Variants in DMD observed in about 807,000 individuals in gnomAD.
DMD encodes the protein mutant dystrophin.
DMD carries 63 observed loss-of-function variants against 330.1 expected under a neutral mutation model. The observed-to-expected ratio is 0.19, with a 90% CI of 0.16 to 0.24. DMD has a LOEUF of 0.24. Among genes scored for constraint, DMD ranks in the 10% least tolerant of loss-of-function variants. The pLI, the probability that DMD is intolerant of heterozygous loss-of-function variation, is 1.00. For missense variants in DMD, 3,344 were observed against 2,684.1 expected, an observed-to-expected ratio of 1.25 and a Z score of -5.43; for synonymous variants, 1,223 against 959.8, an observed-to-expected ratio of 1.27 and a Z score of -5.07.
At chrX:31,961,626 T>C (rs769519933) in intron 45 of DMD, among the ~76,000 whole-genome samples, 1 of 110,964 alleles carries the variant, frequency 9.0e-6, no homozygotes, top group Non-Finnish European at 1.9e-5. Flanking sequence ...TGCTTATGTT[T>C]GAGAAGAGCA....
At position 32,697,994 on chromosome X, in the gene DMD, G is replaced by C. The variant is rs369135184; in HGVS notation, c.836C>G (p.Thr279Arg). The change falls in exon 9 of 79, where the codon ACG becomes AGG. Residue 279 changes from threonine (T) to arginine (R), a missense_variant. By Grantham distance (71) the Thr-to-Arg change is moderately conservative (BLOSUM62 -1). Transcript: ENST00000357033. ...HHQMHYSQQI[T>R]VSLAQGYERT... ...CTCATATCCCTGTGCTAGACTGACCGTGATCTGCAGAGAAGGGTTTGGGGG... is the reference window on the plus strand; with the variant it reads ...CTCATATCCCTGTGCTAGACTGACCCTGATCTGCAGAGAAGGGTTTGGGGG... 1 of 1,189,022 alleles carries C rather than the reference G, an allele frequency of 8.4e-7. No homozygotes were observed.
At chrX:32,203,309 T>A (rs1159505035) in intron 44 of DMD, among the ~76,000 whole-genome samples, 1 of 112,820 alleles carries the variant, frequency 8.9e-6, no homozygotes. Context: ...TATGATTGAT[T>A]CCTTATTCCC....
intron 9 of DMD, among the ~76,000 whole-genome samples, chrX:32,671,286 C>A (rs1335723151): frequency 9.0e-6 from 1 of 110,747 alleles, no homozygotes; most frequent in Non-Finnish European, 1.9e-5. Flanking sequence ...TCTCAATTAC[C>A]AGACATCAAA....
At chrX:31,583,722 C>T (rs2076446216) in intron 55 of DMD, among the ~76,000 whole-genome samples, 1 of 107,992 alleles carries the variant, frequency 9.3e-6, no homozygotes, top group Non-Finnish European at 1.9e-5. Flanking sequence ...TGGTGGTTTG[C>T]TGCACCTATT....
At chrX:32,419,849 T>G (rs1603633086) in intron 29 of DMD, among the ~76,000 whole-genome samples, 2 of 106,381 alleles carry the variant, frequency 1.9e-5, no homozygotes, top group Admixed American at 2.0e-4. Flanking sequence ...GAACTTGACA[T>G]CAGATAGCCA....
chrX:31,299,167 T>C (rs145715934), intron 62 of DMD, among the ~76,000 whole-genome samples: 2,015 of 111,854 alleles, frequency 0.018, 46 homozygotes, highest in African/African-American at 0.062. Context: ...TGTTCCACTT[T>C]AATTAGAATA....
intron 1 of DMD, among the ~76,000 whole-genome samples, chrX:33,259,456 A>T (rs2052914428): frequency 9.1e-6 from 1 of 110,372 alleles, no homozygotes; most frequent in Admixed American, 9.8e-5. Context: ...CTAAAAATCT[A>T]AAATTCAAAT....
rs146866596 is a variant in DMD at position 32,319,430 on chromosome X, G to T, written c.5923-9154C>A. ...AAAAATATTTGTTGGATAAATTAATGAAAAAACAAGTATCAACTTAACAGG... is the reference window on the plus strand; with the variant it reads ...AAAAATATTTGTTGGATAAATTAATTAAAAAACAAGTATCAACTTAACAGG... On this transcript the variant is annotated intron_variant, in intron 41 of 78. Coordinates refer to ENST00000357033, the MANE Select transcript of DMD (RefSeq NM_004006.3). Among the ~76,000 whole-genome samples the T allele has an allele frequency of 8.7e-3, 971 of 111,437 alleles. 1 individual carries two copies. The highest frequency in any genetic ancestry group is 0.014 in the Non-Finnish European group (715 of 52,872).
At chrX:32,438,869 A>AAG (rs1208552625) in intron 28 of DMD, among the ~76,000 whole-genome samples, 2 of 111,649 alleles carry the variant, frequency 1.8e-5, no homozygotes, top group Non-Finnish European at 3.8e-5. Context: ...CATGCTCAGG[A>AAG]AGAGAGAGCA....
intron 54 of DMD, among the ~76,000 whole-genome samples, chrX:31,654,805 G>A (rs1310105812): frequency 1.8e-5 from 2 of 110,672 alleles, no homozygotes; most frequent in East Asian, 2.8e-4. Context: ...GTCAACTAAC[G>A]GGTACCAGGA....
intron 41 of DMD, among the ~76,000 whole-genome samples, chrX:32,329,895 C>T (rs1205773416): frequency 1.8e-5 from 2 of 112,439 alleles, no homozygotes; most frequent in Non-Finnish European, 3.8e-5. Flanking sequence ...TAAGTTTGTA[C>T]AGATATGGGC....
intron 45 of DMD, among the ~76,000 whole-genome samples, chrX:31,947,025 A>T (rs1005034523): frequency 4.5e-5 from 5 of 112,089 alleles, no homozygotes; most frequent in Admixed American, 9.5e-5. Context: ...GTAAATTTGC[A>T]TCATACCAAT....
intron 1 of DMD, among the ~76,000 whole-genome samples, chrX:33,127,422 A>G (rs12860202): frequency 1.8e-5 from 2 of 111,148 alleles, no homozygotes; most frequent in African/African-American, 6.5e-5. Flanking sequence ...TAAGTGTTTA[A>G]CCTCTAAAAT....
chrX:32,535,800 C>T (rs1317471071), intron 17 of DMD, among the ~76,000 whole-genome samples: 1 of 111,747 alleles, frequency 8.9e-6, no homozygotes, highest in Non-Finnish European at 1.9e-5. Context: ...TCATCAACAT[C>T]CAATAAATAT....
chrX:31,241,969 T>C (rs1317391349), intron 63 of DMD, among the ~76,000 whole-genome samples: 2 of 111,293 alleles, frequency 1.8e-5, no homozygotes, highest in Non-Finnish European at 3.8e-5. Context: ...TTTAAAAATC[T>C]GGAGTGGCCA....
chrX:32,339,252 T>C (rs1190377527), intron 41 of DMD, among the ~76,000 whole-genome samples: 2 of 111,785 alleles, frequency 1.8e-5, no homozygotes, highest in Non-Finnish European at 3.8e-5. Flanking sequence ...CAAGAGTTAA[T>C]TTTACTAGAC....
At chrX:31,399,288 C>A (rs951109871) in intron 60 of DMD, among the ~76,000 whole-genome samples, 11 of 109,468 alleles carry the variant, frequency 1.0e-4, no homozygotes, top group African/African-American at 3.7e-4. Flanking sequence ...TCTGACCATC[C>A]ACAGCTGGAC....
At chrX:31,652,190 GTC>G (rs1329967835) in intron 54 of DMD, among the ~76,000 whole-genome samples, 2 of 111,445 alleles carry the variant, frequency 1.8e-5, no homozygotes, top group East Asian at 5.7e-4. Context: ...ACATCCTCAG[GTC>G]TTTTAGAATT....
intron 23 of DMD, among the ~76,000 whole-genome samples, chrX:32,467,744 G>A (rs2040192691): frequency 9.3e-6 from 1 of 107,156 alleles, no homozygotes. Context: ...CTCTTTCAAA[G>A]TCTCCAAAAC....
Sources: gnomAD v4.1 joint callset for allele counts (sites outside exome capture counted in the v4.1 genomes callset) on GRCh38, gnomAD v4.1.1 for gene constraint, MANE v1.5 for transcripts, NCBI Gene and HGNC (gene_info 2026-07-23, HGNC 2026-07-21) for gene names.